Variants in SLCO3A1 observed in about 807,000 individuals in gnomAD.
SLCO3A1 encodes PGE1 transporter.
In SLCO3A1, 27 loss-of-function variants were observed where a neutral mutation model predicts 63.1. The observed-to-expected ratio is 0.43, with a 90% CI of 0.32 to 0.59. The LOEUF (loss-of-function observed/expected upper bound fraction) is 0.59. Ranked by LOEUF, SLCO3A1 falls within the 20% of genes least tolerant of loss-of-function variation. The probability of loss-of-function intolerance (pLI) is 0.09; values close to 1 mark genes in which losing one functional copy is unlikely to be tolerated. For synonymous variants in SLCO3A1, 473 were observed against 409.9 expected, an observed-to-expected ratio of 1.15 and a Z score of -1.86; for missense variants, 773 against 945.8, an observed-to-expected ratio of 0.82 and a Z score of 2.40.
At chr15:92,012,291 C>G (rs1420487707) in intron 2 of SLCO3A1, among the ~76,000 whole-genome samples, 2 of 152,176 alleles carry the variant, frequency 1.3e-5, no homozygotes, top group Non-Finnish European at 2.9e-5. Context: ...CATTAGGAAT[C>G]AGTCTGGATA....
chr15:91,864,135 T>A (rs1386473383), intron 1 of SLCO3A1, among the ~76,000 whole-genome samples: 1 of 152,194 alleles, frequency 6.6e-6, no homozygotes, highest in Non-Finnish European at 1.5e-5. Flanking sequence ...CTTGTTCGAT[T>A]TCTAGAGATG....
chr15:92,041,273 C>G (rs2046793416), intron 2 of SLCO3A1, among the ~76,000 whole-genome samples: 1 of 152,140 alleles, frequency 6.6e-6, no homozygotes, highest in South Asian at 2.1e-4. Context: ...CATCAATCAA[C>G]AGGTATTTAT....
chr15:91,979,160 G>A (rs1242680340), intron 2 of SLCO3A1, among the ~76,000 whole-genome samples: 1 of 152,076 alleles, frequency 6.6e-6, no homozygotes, highest in East Asian at 1.9e-4. Context: ...GTACCCCTTA[G>A]CCCCAAAAAG....
chr15:92,004,396 G>A (rs2151456580), intron 2 of SLCO3A1, among the ~76,000 whole-genome samples: 1 of 152,344 alleles, frequency 6.6e-6, no homozygotes, highest in Admixed American at 6.5e-5. Flanking sequence ...CACAGCATAT[G>A]GCCTAACACA....
intron 2 of SLCO3A1, among the ~76,000 whole-genome samples, chr15:92,056,604 T>C (rs1400771643): frequency 6.6e-6 from 1 of 152,230 alleles, no homozygotes; most frequent in Non-Finnish European, 1.5e-5. Context: ...TTTCTTGGAC[T>C]TCCTTCTCTC....
chr15:91,880,157 C>CTAT (rs1490239241), intron 1 of SLCO3A1, among the ~76,000 whole-genome samples: 1,846 of 149,234 alleles, frequency 0.012, 27 homozygotes, highest in African/African-American at 0.031. Context: ...ATCCATCCAT[C>CTAT]CATCCATCCA....
At chr15:91,990,065 T>A (rs1017097425) in intron 2 of SLCO3A1, among the ~76,000 whole-genome samples, 1 of 152,214 alleles carries the variant, frequency 6.6e-6, no homozygotes, top group Non-Finnish European at 1.5e-5. Context: ...CTTCTATCCT[T>A]CGCATACCAT....
intron 8 of SLCO3A1, 33 bp from the exon 9 acceptor site, chr15:92,150,917 G>GTT (rs76758332): frequency 3.8e-5 from 53 of 1,379,900 alleles, no homozygotes; most frequent in Admixed American, 1.4e-4. Context: ...TAAAAATCTG[G>GTT]TTTTTTTTTT....
rs74028827 is a variant in SLCO3A1, at chr15:92,146,705, G to A, written c.1513-279G>A. 7.3e-3 allele frequency among the ~76,000 whole-genome samples: 1,115 copies of A among 152,296 alleles called. 17 individuals carry two copies. The highest frequency in any genetic ancestry group is 0.026 in the African/African-American group (1,070 of 41,558). ...TTTCCTCTCTAATTGTATTGGGGGGGACACATTTATCTGTGGTTCAGCTTA... is the reference window on the plus strand; with the variant it reads ...TTTCCTCTCTAATTGTATTGGGGGGAACACATTTATCTGTGGTTCAGCTTA... On this transcript the variant is annotated intron_variant, in intron 7 of 9. Coordinates refer to ENST00000318445, the MANE Select transcript of SLCO3A1 (RefSeq NM_013272.4).
At position 92,069,116 on chromosome 15, in the gene SLCO3A1, C is replaced by A. The variant is rs537570286; in HGVS notation, c.647-25765C>A. Among the ~76,000 whole-genome samples the A allele has an allele frequency of 3.8e-4, 55 of 146,492 alleles. No homozygotes were observed. In the East Asian group the frequency reaches 0.011, roughly 30 times the overall value. ...CCCCCGCCCCCCCCCCGCCACCCCC[C>A]ACTCCCCCCAGGGGACATTTGCCAA... On this transcript the variant is annotated intron_variant, in intron 2 of 9. Coordinates refer to ENST00000318445, the MANE Select transcript of SLCO3A1 (RefSeq NM_013272.4).
chr15:91,953,214 A>G lies in SLCO3A1; in HGVS notation c.646+36756A>G, dbSNP rs550070244. Among the ~76,000 whole-genome samples, 5 of 152,348 alleles carry G rather than the reference A, an allele frequency of 3.3e-5. No homozygotes were observed. The South Asian group carries it at 1.0e-3, about 32-fold the overall frequency. On this transcript the variant is annotated intron_variant, in intron 2 of 9. Coordinates refer to ENST00000318445, the MANE Select transcript of SLCO3A1 (RefSeq NM_013272.4). ...AAGATAAACTGTCATCTTAGAAAGC[A>G]TCATTCACTGACTCGCTCATTCGCT... is the stretch of plus-strand genomic sequence containing the variant.
chr15:92,117,715 C>T (rs959902439), intron 4 of SLCO3A1, among the ~76,000 whole-genome samples: 1 of 152,170 alleles, frequency 6.6e-6, no homozygotes, highest in Non-Finnish European at 1.5e-5. Flanking sequence ...ACCATCAGAA[C>T]GTGCCACACA....
At chr15:91,985,899 C>T (rs568231551) in intron 2 of SLCO3A1, among the ~76,000 whole-genome samples, 27 of 152,114 alleles carry the variant, frequency 1.8e-4, no homozygotes, top group Non-Finnish European at 1.2e-4. Context: ...TCCTAGTCTA[C>T]GTGTAGGTGG....
At chr15:91,953,338 C>T (rs1033468899) in intron 2 of SLCO3A1, among the ~76,000 whole-genome samples, 2 of 152,318 alleles carry the variant, frequency 1.3e-5, no homozygotes, top group South Asian at 2.1e-4. Context: ...GAAGTACAGC[C>T]TCTGCCCTCG....
intron 2 of SLCO3A1, among the ~76,000 whole-genome samples, chr15:92,029,855 G>C (rs1186530149): frequency 1.5e-5 from 2 of 134,562 alleles, no homozygotes; most frequent in African/African-American, 2.8e-5. Flanking sequence ...CGTTATGAGA[G>C]ATAAAAGATC....
At chr15:92,102,232 C>T (rs945254022) in intron 3 of SLCO3A1, among the ~76,000 whole-genome samples, 4 of 152,144 alleles carry the variant, frequency 2.6e-5, no homozygotes, top group African/African-American at 9.7e-5. Flanking sequence ...TGAAAATATT[C>T]CTGTTCAGCT....
chr15:92,165,057 G>A lies in SLCO3A1; in HGVS notation c.*1922G>A. On this transcript the variant is annotated 3_prime_UTR_variant, in exon 10 of 10. Coordinates refer to ENST00000318445, the MANE Select transcript of SLCO3A1 (RefSeq NM_013272.4). ...CAGGAAGTAAAAAATGGTTGGGAGT[G>A]GGACAGGTATGGTACCGAATTTTTA... The A allele has an allele frequency of 2.0e-6, 2 of 985,402 alleles. No individual in the cohort carries two copies. Among genetic ancestry groups the A allele is most frequent in the Non-Finnish European group, 2.4e-6 (2 of 829,880 alleles). 61.0% of individuals were successfully genotyped at this position (985,402 alleles called of 1,614,324 possible).
intron 2 of SLCO3A1, among the ~76,000 whole-genome samples, chr15:91,976,718 G>A (rs1294240915): frequency 2.0e-5 from 3 of 152,110 alleles, no homozygotes; most frequent in Admixed American, 6.5e-5. Flanking sequence ...TTGGGCGTCC[G>A]GGGGAGACAT....
At chr15:91,905,286 T>C (rs1188082601) in intron 1 of SLCO3A1, among the ~76,000 whole-genome samples, 2 of 152,212 alleles carry the variant, frequency 1.3e-5, no homozygotes, top group African/African-American at 4.8e-5. Flanking sequence ...ATGTTTCTGA[T>C]AGTGTATATA....
Sources: gnomAD v4.1 joint callset for allele counts (sites outside exome capture counted in the v4.1 genomes callset) on GRCh38, gnomAD v4.1.1 for gene constraint, MANE v1.5 for transcripts, NCBI Gene and HGNC (gene_info 2026-07-23, HGNC 2026-07-21) for gene names.